KIF25: variants seen among roughly 807,000 people sequenced by gnomAD.
The protein encoded by KIF25 is kinesin family member 25, also known as kinesin-like protein KIF25.
In KIF25, 19 loss-of-function variants were observed where a neutral mutation model predicts 32.9. That is an observed-to-expected ratio of 0.58 (90% confidence interval 0.40 to 0.85). The LOEUF is 0.85. Ranked by LOEUF, KIF25 falls within the 40% of genes least tolerant of loss-of-function variation. The probability of loss-of-function intolerance (pLI) is 0.00; values close to 1 mark genes in which losing one functional copy is unlikely to be tolerated. For synonymous variants in KIF25, 225 were observed against 213.7 expected (o/e 1.05, Z -0.46); for missense variants, 485 against 507.0 (o/e 0.96, Z 0.42).
At chr6:168,031,850 G>A (rs1798946714) in intron 7 of KIF25, among the ~76,000 whole-genome samples, 1 of 152,188 alleles carries the variant, frequency 6.6e-6, no homozygotes, top group African/African-American at 2.4e-5. Context: ...AAAATATTGG[G>A]AGAGATTTAT....
At chr6:168,021,137 G>A (rs1045572493) in intron 5 of KIF25, among the ~76,000 whole-genome samples, 6 of 152,280 alleles carry the variant, frequency 3.9e-5, no homozygotes, top group South Asian at 4.2e-4. Flanking sequence ...TCAATGGAAC[G>A]GAGAAGAGTT....
chr6:168,000,699 T>C (rs569963762), intron 2 of KIF25, among the ~76,000 whole-genome samples: 71 of 150,780 alleles, frequency 4.7e-4, no homozygotes, highest in African/African-American at 1.6e-3. Flanking sequence ...CCCACTCCCA[T>C]TGCTGACCCT....
At chr6:168,037,361 C>T (rs189310919) in intron 8 of KIF25, among the ~76,000 whole-genome samples, 36 of 152,298 alleles carry the variant, frequency 2.4e-4, no homozygotes, top group South Asian at 8.3e-4. Flanking sequence ...TGGATTTTCC[C>T]TTGAGTACAG....
intron 8 of KIF25, among the ~76,000 whole-genome samples, chr6:168,035,440 GAGGA>G: frequency 1.7e-5 from 2 of 114,726 alleles, no homozygotes; most frequent in Non-Finnish European, 3.7e-5. Context: ...CGGCGCGGCG[GAGGA>G]GGCGGGAACG....
chr6:167,997,675 C>T lies in KIF25; in HGVS notation c.-1794C>T, dbSNP rs567224823. Among the ~76,000 whole-genome samples, 3 of 152,188 alleles carry T rather than the reference C, an allele frequency of 2.0e-5. No homozygotes were observed. The East Asian group carries it at 5.8e-4, about 29-fold the overall frequency. ...CCCATTAACAAGACCCAGAGGCTCT[C>T]GTGCTTTCTTGGTCGAAGGTATGAG... On this transcript the variant is annotated 5_prime_UTR_variant, in exon 1 of 13. Transcript: ENST00000643607.
At chr6:168,030,176 C>CCCAGAA (rs1798920918) in intron 6 of KIF25, among the ~76,000 whole-genome samples, 1 of 152,158 alleles carries the variant, frequency 6.6e-6, no homozygotes, top group Admixed American at 6.5e-5. Context: ...TGTTTATAGA[C>CCCAGAA]CCAGAACCAC....
At chr6:168,027,298 A>G (rs1004456738) in intron 5 of KIF25, among the ~76,000 whole-genome samples, 10 of 151,968 alleles carry the variant, frequency 6.6e-5, no homozygotes, top group Non-Finnish European at 1.5e-4. Flanking sequence ...ACTAAAATAC[A>G]AAAAATTAGC....
At chr6:168,008,727 T>C (rs1306225543) in intron 4 of KIF25, among the ~76,000 whole-genome samples, 1 of 152,200 alleles carries the variant, frequency 6.6e-6, no homozygotes, top group Non-Finnish European at 1.5e-5. Flanking sequence ...TTCCATTTGT[T>C]TGCATCCTCT....
intron 5 of KIF25, among the ~76,000 whole-genome samples, chr6:168,026,067 C>T (rs149358574): frequency 2.0e-5 from 3 of 152,324 alleles, no homozygotes; most frequent in East Asian, 1.9e-4. Context: ...GGGGCACCAC[C>T]GCCCAGTCTA....
intron 8 of KIF25, among the ~76,000 whole-genome samples, chr6:168,037,866 C>T (rs1799047871): frequency 6.6e-6 from 1 of 152,140 alleles, no homozygotes; most frequent in Non-Finnish European, 1.5e-5. Context: ...CAGGCATGCA[C>T]CACCACGCCC....
At chr6:168,036,745 T>C (rs1284280871) in intron 8 of KIF25, among the ~76,000 whole-genome samples, 1 of 152,064 alleles carries the variant, frequency 6.6e-6, no homozygotes, top group Non-Finnish European at 1.5e-5. Flanking sequence ...TTGCCTAAGG[T>C]GTGGAGAGGA....
chr6:168,037,843 G>C, intron 8 of KIF25, among the ~76,000 whole-genome samples: 1 of 152,128 alleles, frequency 6.6e-6, no homozygotes, highest in Non-Finnish European at 1.5e-5. Context: ...AGCCTCCCGA[G>C]TAGTTGGGAC....
intron 8 of KIF25, among the ~76,000 whole-genome samples, chr6:168,037,253 TC>T (rs1799037741): frequency 3.3e-5 from 5 of 152,192 alleles, no homozygotes; most frequent in Admixed American, 3.3e-4. Flanking sequence ...ATTTTAGTCT[TC>T]ATCATTTTCT....
At chr6:168,020,774 C>T (rs1276555662) in intron 5 of KIF25, among the ~76,000 whole-genome samples, 1 of 151,600 alleles carries the variant, frequency 6.6e-6, no homozygotes, top group African/African-American at 2.4e-5. Flanking sequence ...AATCCTCAAT[C>T]AAAAATAAAT....
intron 4 of KIF25, among the ~76,000 whole-genome samples, chr6:168,008,117 A>T (rs1798602592): frequency 6.6e-6 from 1 of 152,206 alleles, no homozygotes; most frequent in South Asian, 2.1e-4. Context: ...TTATGAAAGA[A>T]TTTCTTCCTT....
rs115857290 is a variant in KIF25, at chr6:168,039,695, A to C, written c.495-370A>C. 5.1e-3 allele frequency among the ~76,000 whole-genome samples: 780 copies of C among 152,382 alleles called. 7 individuals are homozygous for C. Among genetic ancestry groups the C allele is most frequent in the African/African-American group, 0.018 (752 of 41,590 alleles). On this transcript the variant is annotated intron_variant, in intron 9 of 12. Coordinates refer to ENST00000643607, the MANE Select transcript of KIF25 (RefSeq NM_030615.4). Reference sequence around the variant, plus strand: ...GATTAGCAGTCATATCTCATCCACTAACACGGAGAAATGGGTTAAACCTTT... The same window carrying C: ...GATTAGCAGTCATATCTCATCCACTCACACGGAGAAATGGGTTAAACCTTT...
At chr6:168,038,872 C>G (rs921281100) in intron 9 of KIF25, 143 bp downstream of exon 9, 1 of 736,714 alleles carries the variant, frequency 1.4e-6, no homozygotes, top group East Asian at 2.7e-5. Context: ...GTGGCCCGAT[C>G]AGTGCTCCTT....
At chr6:168,043,815 T>A (rs911936722) in intron 12 of KIF25, among the ~76,000 whole-genome samples, 3 of 152,184 alleles carry the variant, frequency 2.0e-5, no homozygotes, top group African/African-American at 7.2e-5. Context: ...TAGCTCTCCC[T>A]TCCTTCTCCA....
In KIF25 at chr6:168,039,988, G is replaced by A. The variant is rs573232718; in HGVS notation, c.495-77G>A. The A allele has an allele frequency of 4.7e-6, 7 of 1,504,406 alleles. No homozygotes were observed. In the Admixed American group the frequency reaches 6.0e-5, roughly 13 times the overall value. 93.2% of individuals were successfully genotyped at this position (1,504,406 alleles called of 1,614,324 possible). On this transcript the variant is annotated intron_variant, in intron 9 of 12. Transcript: ENST00000643607. Reference sequence around the variant, plus strand: ...TGGCTCATGTGAGAGGCTTCCCTGAGCCGAGGAGTCTTGGAAGTCGCCTTA... The same window carrying A: ...TGGCTCATGTGAGAGGCTTCCCTGAACCGAGGAGTCTTGGAAGTCGCCTTA...
Sources: allele counts gnomAD v4.1 joint callset (sites outside exome capture counted in the v4.1 genomes callset), GRCh38; gene constraint gnomAD v4.1.1; transcripts MANE v1.5; gene names NCBI Gene and HGNC (gene_info 2026-07-23, HGNC 2026-07-21).